PPP2R2B: variants seen among roughly 807,000 people sequenced by gnomAD.
PPP2R2B encodes protein phosphatase 2 regulatory subunit Bbeta.
Under a neutral mutation model 46.0 loss-of-function variants are expected in PPP2R2B, and 5 were observed. The ratio of observed to expected loss-of-function variants is 0.11; its 90% confidence interval spans 0.06 to 0.23. The LOEUF is 0.23. PPP2R2B is among the 10% of genes least tolerant of loss of function. The pLI, the probability that PPP2R2B is intolerant of heterozygous loss-of-function variation, is 1.00. For missense variants in PPP2R2B, 367 were observed against 575.0 expected (o/e 0.64, Z 3.70); for synonymous variants, 215 against 206.7 (o/e 1.04, Z -0.34).
chr5:146,929,963 A>ATCTGCCAGT (rs1763912399), intron 1 of PPP2R2B, among the ~76,000 whole-genome samples: 2 of 152,210 alleles, frequency 1.3e-5, no homozygotes, highest in Non-Finnish European at 2.9e-5. Context: ...AATGCCTGTG[A>ATCTGCCAGT]TCTGCCAGTT....
chr5:146,825,340 T>C (rs1758513373), intron 2 of PPP2R2B, among the ~76,000 whole-genome samples: 1 of 152,252 alleles, frequency 6.6e-6, no homozygotes, highest in East Asian at 1.9e-4. Flanking sequence ...CACACTTCCA[T>C]GTTTATTTGG....
chr5:146,870,855 C>T (rs1234800028), intron 2 of PPP2R2B, among the ~76,000 whole-genome samples: 1 of 152,318 alleles, frequency 6.6e-6, no homozygotes, highest in East Asian at 1.9e-4. Flanking sequence ...AAGTGAAAGT[C>T]TGACTACCCC....
chr5:147,007,933 A>G (rs1324677844), intron 1 of PPP2R2B, among the ~76,000 whole-genome samples: 1 of 152,230 alleles, frequency 6.6e-6, no homozygotes, highest in Non-Finnish European at 1.5e-5. Context: ...GAGACCAAGA[A>G]TCCACTGGAA....
intron 2 of PPP2R2B, among the ~76,000 whole-genome samples, chr5:146,821,785 A>T (rs1316356897): frequency 2.6e-5 from 4 of 152,242 alleles, no homozygotes; most frequent in African/African-American, 9.7e-5. Flanking sequence ...GCCAAAAAAA[A>T]AAAAGCTTAA....
At chr5:147,062,564 C>T (rs913704950) in intron 2 of PPP2R2B, among the ~76,000 whole-genome samples, 1 of 152,116 alleles carries the variant, frequency 6.6e-6, no homozygotes, top group African/African-American at 2.4e-5. Context: ...CAACTGCAAG[C>T]AAGTGGAGGA....
intron 2 of PPP2R2B, among the ~76,000 whole-genome samples, chr5:146,701,818 T>C (rs776158523): frequency 1.3e-5 from 2 of 152,178 alleles, no homozygotes; most frequent in Non-Finnish European, 2.9e-5. Flanking sequence ...TTGTACTCTG[T>C]ATTTCTAATC....
intron 2 of PPP2R2B, among the ~76,000 whole-genome samples, chr5:146,741,052 G>A (rs536094052): frequency 1.4e-5 from 2 of 142,148 alleles, no homozygotes; most frequent in South Asian, 4.5e-4. Context: ...AAAAAAAAAT[G>A]CAGATTTTTG....
Position 146,983,468 on chromosome 5 carries a change from C to CCG in PPP2R2B, c.79+72196_79+72197insCG, listed in dbSNP as rs1403423980. Among the ~76,000 whole-genome samples the CCG allele has an allele frequency of 1.1e-4, 16 of 152,340 alleles. No homozygotes were observed. The East Asian group carries it at 2.7e-3, about 26-fold the overall frequency. On this transcript the variant is annotated intron_variant, in intron 1 of 8. Coordinates refer to the PPP2R2B transcript ENST00000336640. The stretch of plus-strand genomic sequence containing the variant: ...GTGCTGGGATTATAGGCGTGAGCCA[C>CCG]TGCACCCGGCCCAGAGCGTTTCTTT...
intron 2 of PPP2R2B, among the ~76,000 whole-genome samples, chr5:147,062,087 G>A (rs930129432): frequency 9.9e-5 from 15 of 152,052 alleles, no homozygotes; most frequent in African/African-American, 1.9e-4. Flanking sequence ...AGGTGTTCCC[G>A]TAAGATTATA....
At chr5:146,742,775 G>A (rs557632987) in intron 2 of PPP2R2B, among the ~76,000 whole-genome samples, 63 of 152,198 alleles carry the variant, frequency 4.1e-4, no homozygotes, top group African/African-American at 1.4e-3. Context: ...GGTCATTAGG[G>A]TGGGTCCTAA....
chr5:147,066,774 G>T (rs1236568672), intron 2 of PPP2R2B, among the ~76,000 whole-genome samples: 2 of 151,954 alleles, frequency 1.3e-5, no homozygotes, highest in African/African-American at 4.8e-5. Flanking sequence ...AGCCTCCCTT[G>T]CCCATGAGAA....
At chr5:146,863,869 C>T (rs374365018) in intron 2 of PPP2R2B, among the ~76,000 whole-genome samples, 1 of 152,188 alleles carries the variant, frequency 6.6e-6, no homozygotes. Flanking sequence ...CGACTCCCAA[C>T]TGTAACCCCC....
Position 146,589,625 on chromosome 5 carries a change from A to T in PPP2R2B, c.*322T>A. On this transcript the variant is annotated 3_prime_UTR_variant, in exon 10 of 10. Transcript: ENST00000394411. Reference sequence around the variant, plus strand: ...ACTACAGACAACCTCATTTTATCGCAGCAGACACCTAGGAACAAAACACTG... The same window carrying T: ...ACTACAGACAACCTCATTTTATCGCTGCAGACACCTAGGAACAAAACACTG... The T allele has an allele frequency of 4.1e-6, 1 of 246,528 alleles. No individual in the cohort carries two copies. The highest frequency in any genetic ancestry group is 7.8e-6 in the Non-Finnish European group (1 of 128,112). The allele number at this position is 246,528 out of a possible 1,614,324, so 15.3% of individuals were successfully genotyped here.
chr5:146,747,804 A>C (rs912491663), intron 2 of PPP2R2B, among the ~76,000 whole-genome samples: 6 of 152,198 alleles, frequency 3.9e-5, no homozygotes, highest in Non-Finnish European at 7.3e-5. Flanking sequence ...TGTTAGTGCA[A>C]ACACACTTAT....
intron 2 of PPP2R2B, among the ~76,000 whole-genome samples, chr5:146,835,232 A>G (rs1344347662): frequency 6.6e-6 from 1 of 152,188 alleles, no homozygotes; most frequent in African/African-American, 2.4e-5. Flanking sequence ...CAATTTAATA[A>G]TAAACAATGT....
At chr5:147,025,903 G>A (rs776575268) in intron 1 of PPP2R2B, among the ~76,000 whole-genome samples, 10 of 152,020 alleles carry the variant, frequency 6.6e-5, no homozygotes, top group Non-Finnish European at 1.5e-5. Flanking sequence ...AGTCATTATG[G>A]AAATATAAAT....
chr5:146,660,212 T>C lies in PPP2R2B; in HGVS notation c.448-9488A>G, dbSNP rs1175524267. On this transcript the variant is annotated intron_variant, in intron 5 of 9. Coordinates refer to ENST00000394411, the MANE Select transcript of PPP2R2B (RefSeq NM_181675.4). ...GGGTAATTCAGTGTAACAAACCAAA[T>C]AGAGTATGTACAATGACTGTCAAAT... 3.3e-5 allele frequency among the ~76,000 whole-genome samples: 5 copies of C among 152,266 alleles called. No homozygotes were observed. The East Asian group carries it at 9.6e-4, about 29-fold the overall frequency.
chr5:146,893,013 G>A (rs182904689), intron 1 of PPP2R2B, among the ~76,000 whole-genome samples: 28 of 152,162 alleles, frequency 1.8e-4, no homozygotes, highest in African/African-American at 4.8e-4. Context: ...AACCCTATGC[G>A]CAGAAACAGT....
At chr5:147,027,987 C>A (rs532744624) in intron 1 of PPP2R2B, among the ~76,000 whole-genome samples, 3 of 152,252 alleles carry the variant, frequency 2.0e-5, no homozygotes, top group Non-Finnish European at 4.4e-5. Flanking sequence ...GACTTTGTGG[C>A]TTTTGTCTGT....
Sources: allele counts gnomAD v4.1 joint callset (sites outside exome capture counted in the v4.1 genomes callset), GRCh38; gene constraint gnomAD v4.1.1; transcripts MANE v1.5; gene names NCBI Gene and HGNC (gene_info 2026-07-23, HGNC 2026-07-21).